The following CDKL2 variants were observed in gnomAD, a reference collection of about 807,000 sequenced individuals.
The protein encoded by CDKL2 is cyclin dependent kinase like 2.
CDKL2 carries 64 observed loss-of-function variants against 63.9 expected under a neutral mutation model. That is an observed-to-expected ratio of 1.00 (90% CI 0.82 to 1.23). The LOEUF (loss-of-function observed/expected upper bound fraction) is 1.23. Among genes scored for constraint, CDKL2 ranks in the 50% most tolerant of loss-of-function variants. The probability of loss-of-function intolerance (pLI) is 0.00; values close to 1 mark genes in which losing one functional copy is unlikely to be tolerated. For synonymous variants in CDKL2, 211 were observed against 229.2 expected (o/e 0.92, Z 0.72); for missense variants, 656 against 668.0 (o/e 0.98, Z 0.20).
chr4:75,625,705 T>G, intron 2 of CDKL2, 116 bp downstream of exon 2: 1 of 704,488 alleles, frequency 1.4e-6, no homozygotes. Flanking sequence ...ACTTTTAAAA[T>G]CAGGTTTACA....
chr4:75,589,852 T>A (rs1009975755), intron 12 of CDKL2, among the ~76,000 whole-genome samples: 5 of 151,982 alleles, frequency 3.3e-5, no homozygotes, highest in African/African-American at 4.8e-5. Flanking sequence ...CATGGTAGCC[T>A]GCACCTGTAG....
chr4:75,609,146 ATTAGT>A (rs1729562298), intron 3 of CDKL2, among the ~76,000 whole-genome samples: 1 of 152,198 alleles, frequency 6.6e-6, no homozygotes, highest in Non-Finnish European at 1.5e-5. Context: ...TAATGGAATA[ATTAGT>A]TTAGTTTTAA....
chr4:75,603,721 A>AC, intron 6 of CDKL2, 96 bp downstream of exon 6: 4 of 757,594 alleles, frequency 5.3e-6, no homozygotes, highest in Non-Finnish European at 7.9e-6. Flanking sequence ...TCAAAAAAAA[A>AC]AAAAAAAGAT....
intron 7 of CDKL2, among the ~76,000 whole-genome samples, chr4:75,599,484 C>G (rs1729084722): frequency 7.0e-6 from 1 of 142,456 alleles, no homozygotes; most frequent in Admixed American, 8.0e-5. Flanking sequence ...TCGCTTGAAC[C>G]CAGGAGGTAG....
intron 7 of CDKL2, among the ~76,000 whole-genome samples, chr4:75,599,561 A>AAAG (rs1553929003): frequency 6.6e-6 from 1 of 150,974 alleles, no homozygotes; most frequent in African/African-American, 2.4e-5. Flanking sequence ...AAAAAAAAAA[A>AAAG]AAAAAAAAAG....
Position 75,596,939 on chromosome 4 carries a change from A to G in CDKL2, c.1318T>C (p.Tyr440His). 2 of 1,608,180 alleles carry G rather than the reference A, an allele frequency of 1.2e-6. No homozygotes were observed. Among genetic ancestry groups the G allele is most frequent in the Non-Finnish European group, 1.7e-6 (2 of 1,175,294 alleles). ...TCTTATTTTACTAATTCATACCTGT[A>G]ACCCTGAATTGGTATAGTCTCAGTC... The part of the protein sequence containing the change: ...MGTETIPIQG[Y>H]RVDEKTKKCS... Residue 440 changes from tyrosine (Y) to histidine (H), a missense_variant, in exon 9 of 14, where the codon TAC becomes CAC. Tyr to His is a moderately conservative substitution (Grantham distance 83, BLOSUM62 2). Coordinates refer to ENST00000307465, the MANE Select transcript of CDKL2 (RefSeq NM_001330724.2).
intron 13 of CDKL2, among the ~76,000 whole-genome samples, chr4:75,581,166 TC>T (rs1162821310): frequency 6.6e-6 from 1 of 152,234 alleles, no homozygotes; most frequent in Non-Finnish European, 1.5e-5. Context: ...CCATAGATTA[TC>T]ATGAAGCTGA....
At chr4:75,597,483 C>T (rs2148877136) in intron 8 of CDKL2, among the ~76,000 whole-genome samples, 1 of 152,108 alleles carries the variant, frequency 6.6e-6, no homozygotes, top group East Asian at 1.9e-4. Flanking sequence ...CACACACATA[C>T]ACACACATCA....
At position 75,597,094 on chromosome 4, in the gene CDKL2, A is replaced by G. The variant is rs760949573; in HGVS notation, c.1163T>C (p.Ile388Thr). Residue 388 changes from isoleucine (I) to threonine (T), a missense_variant, in exon 9 of 14, where the codon ATA becomes ACA. Physicochemically the swap from Ile to Thr is moderately conservative, Grantham distance 89. Transcript: ENST00000307465. Reference sequence around the variant, plus strand: ...GTCTTTGAGGCTTGTTGAAGGCACTATTTTGTTGTGGCTTGTCCTACTGTC... The same window carrying G: ...GTCTTTGAGGCTTGTTGAAGGCACTGTTTTGTTGTGGCTTGTCCTACTGTC... ...LHDSRTSHNK[I>T]VPSTSLKDCS... is the part of the protein sequence containing the mutation. 13 of 1,613,960 alleles carry G rather than the reference A, an allele frequency of 8.1e-6. No individual in the cohort carries two copies. Among genetic ancestry groups the G allele is most frequent in the Admixed American group, 3.3e-5 (2 of 59,996 alleles).
intron 3 of CDKL2, among the ~76,000 whole-genome samples, chr4:75,607,884 C>T (rs1219490141): frequency 6.6e-6 from 1 of 152,168 alleles, no homozygotes; most frequent in Non-Finnish European, 1.5e-5. Context: ...GCGATCTCGG[C>T]TCACTGCAAG....
chr4:75,590,159 C>A (rs1169784374), intron 12 of CDKL2, among the ~76,000 whole-genome samples: 1 of 151,542 alleles, frequency 6.6e-6, no homozygotes, highest in Non-Finnish European at 1.5e-5. Context: ...ACAGCAAAAC[C>A]CTGTCTCAAA....
chr4:75,586,969 T>C (rs1456403932), intron 12 of CDKL2, among the ~76,000 whole-genome samples: 8 of 152,046 alleles, frequency 5.3e-5, no homozygotes, highest in African/African-American at 1.9e-4. Context: ...AGGGGAAAAC[T>C]AAGAGGAGAC....
chr4:75,589,449 C>T lies in CDKL2; in HGVS notation c.1647+2370G>A, dbSNP rs367729283. 5.3e-5 allele frequency among the ~76,000 whole-genome samples: 8 copies of T among 150,900 alleles called. No individual in the cohort carries two copies. The East Asian group carries it at 9.7e-4, about 18-fold the overall frequency. On this transcript the variant is annotated intron_variant, in intron 12 of 13. Transcript: ENST00000307465. ...CCTCCCAAGTAGCTGGGACTACAGG[C>T]GCCTGCCACTACGCCCGGCTAATTT...
chr4:75,609,430 C>A (rs1219373047), intron 3 of CDKL2, among the ~76,000 whole-genome samples: 2 of 151,536 alleles, frequency 1.3e-5, no homozygotes, highest in Non-Finnish European at 2.9e-5. Context: ...CATGGTGAAA[C>A]CCCGTCCCTA....
chr4:75,627,460 G>A (rs1208483503), intron 1 of CDKL2, among the ~76,000 whole-genome samples: 2 of 151,930 alleles, frequency 1.3e-5, no homozygotes, highest in African/African-American at 4.8e-5. Flanking sequence ...TCATAGAGAT[G>A]GGGTTTTGCC....
intron 2 of CDKL2, among the ~76,000 whole-genome samples, chr4:75,618,876 C>T (rs1253082210): frequency 2.0e-5 from 3 of 152,154 alleles, no homozygotes; most frequent in Non-Finnish European, 2.9e-5. Context: ...ATAAACGAGG[C>T]ATCACTAGAC....
At chr4:75,616,916 T>C (rs1729953009) in intron 2 of CDKL2, among the ~76,000 whole-genome samples, 1 of 151,632 alleles carries the variant, frequency 6.6e-6, no homozygotes, top group African/African-American at 2.4e-5. Context: ...AAATGATGAG[T>C]GCACATAGAG....
chr4:75,608,376 C>T (rs1398418855), intron 3 of CDKL2, among the ~76,000 whole-genome samples: 2 of 151,828 alleles, frequency 1.3e-5, no homozygotes, highest in Non-Finnish European at 2.9e-5. Context: ...CCACCTGCCT[C>T]GGCCTCCCAA....
At chr4:75,589,513 C>G (rs1728618128) in intron 12 of CDKL2, among the ~76,000 whole-genome samples, 1 of 151,350 alleles carries the variant, frequency 6.6e-6, no homozygotes, top group South Asian at 2.1e-4. Context: ...ACCGTTTTAG[C>G]CGGGATGGTC....
Sources: gnomAD v4.1 joint callset for allele counts (sites outside exome capture counted in the v4.1 genomes callset) on GRCh38, gnomAD v4.1.1 for gene constraint, MANE v1.5 for transcripts, NCBI Gene and HGNC (gene_info 2026-07-23, HGNC 2026-07-21) for gene names.